Variants in MAML2 observed in about 807,000 individuals in gnomAD.
The protein encoded by MAML2 is mastermind like transcriptional coactivator 2, also known as mastermind-like protein 2.
MAML2 carries 22 observed loss-of-function variants against 96.1 expected under a neutral mutation model. The ratio of observed to expected loss-of-function variants is 0.23; its 90% CI spans 0.16 to 0.33. The LOEUF (loss-of-function observed/expected upper bound fraction) is 0.33, where lower values mean the gene tolerates loss of function less well. MAML2 is among the 10% of genes least tolerant of loss of function. The probability of loss-of-function intolerance (pLI) is 1.00; values close to 1 mark genes in which losing one functional copy is unlikely to be tolerated. For missense variants in MAML2, 1,367 were observed against 1,392.4 expected, an observed-to-expected ratio of 0.98 and a Z score of 0.29; for synonymous variants, 561 against 521.3, an observed-to-expected ratio of 1.08 and a Z score of -1.04.
chr11:95,988,953 T>A (rs747088228), intron 3 of MAML2, among the ~76,000 whole-genome samples: 1 of 152,204 alleles, frequency 6.6e-6, no homozygotes, highest in Non-Finnish European at 1.5e-5. Context: ...AGTTTCTCCA[T>A]CTGTAAAAAT....
intron 1 of MAML2, among the ~76,000 whole-genome samples, chr11:96,167,151 C>T (rs1048941267): frequency 2.0e-5 from 3 of 152,194 alleles, no homozygotes; most frequent in Non-Finnish European, 4.4e-5. Flanking sequence ...TCTTGGAGTC[C>T]TTATTTCAGT....
At chr11:96,105,860 A>G (rs1199512670) in intron 1 of MAML2, among the ~76,000 whole-genome samples, 1 of 133,306 alleles carries the variant, frequency 7.5e-6, no homozygotes, top group East Asian at 2.0e-4. Flanking sequence ...TTACTAAGAT[A>G]TTTGGTTATA....
chr11:96,148,966 T>C (rs1387891069), intron 1 of MAML2, among the ~76,000 whole-genome samples: 2 of 152,210 alleles, frequency 1.3e-5, no homozygotes, highest in African/African-American at 2.4e-5. Context: ...TGACCTCACA[T>C]ATAGCCCTAT....
At chr11:96,302,061 A>G (rs1360636451) in intron 1 of MAML2, among the ~76,000 whole-genome samples, 4 of 152,206 alleles carry the variant, frequency 2.6e-5, no homozygotes, top group Admixed American at 6.5e-5. Context: ...AATCCTTACA[A>G]AAGCCCTATC....
chr11:96,182,945 ATCCTT>A (rs1468511559), intron 1 of MAML2, among the ~76,000 whole-genome samples: 3 of 143,072 alleles, frequency 2.1e-5, no homozygotes, highest in Admixed American at 7.5e-5. Flanking sequence ...CTTCTTGGAC[ATCCTT>A]TCTTTTCTTT....
At chr11:96,181,009 T>C (rs1200666362) in intron 1 of MAML2, among the ~76,000 whole-genome samples, 1 of 151,964 alleles carries the variant, frequency 6.6e-6, no homozygotes, top group East Asian at 1.9e-4. Context: ...TGAGCCAGGA[T>C]GAGCCAGGAA....
At chr11:96,166,108 GTC>G (rs769561166) in intron 1 of MAML2, among the ~76,000 whole-genome samples, 76 of 144,438 alleles carry the variant, frequency 5.3e-4, no homozygotes, top group Non-Finnish European at 1.0e-3. Context: ...CTCTCTGCCT[GTC>G]TCTTCCTCTC....
chr11:96,007,850 G>C (rs545740334), intron 2 of MAML2, among the ~76,000 whole-genome samples: 2,266 of 133,300 alleles, frequency 0.017, 63 homozygotes, highest in African/African-American at 0.06. Flanking sequence ...CACAGGAAGG[G>C]GAATATCACA....
intron 1 of MAML2, among the ~76,000 whole-genome samples, chr11:96,145,228 G>A (rs560174615): frequency 6.6e-6 from 1 of 152,278 alleles, no homozygotes; most frequent in South Asian, 2.1e-4. Context: ...ACTAAGCCTT[G>A]CTTCCTGTTT....
rs1863958307 is a variant in MAML2 at position 96,339,266 on chromosome 11, C to T, written c.513+2117G>A. Among the ~76,000 whole-genome samples, 3 of 152,314 alleles carry T rather than the reference C, an allele frequency of 2.0e-5. No homozygotes were observed. The South Asian group carries it at 6.2e-4, about 32-fold the overall frequency. On this transcript the variant is annotated intron_variant, in intron 1 of 4. Transcript: ENST00000524717. ...GTAGCACAGCAGCCAGCTATGGCTT[C>T]TGCAGCAGTAAGCTTTCAGTCGGGA...
intron 2 of MAML2, among the ~76,000 whole-genome samples, chr11:96,067,279 C>A (rs896582739): frequency 6.6e-6 from 1 of 152,224 alleles, no homozygotes; most frequent in Non-Finnish European, 1.5e-5. Flanking sequence ...CAATGTTCAT[C>A]TGTCCAGTGT....
chr11:96,255,756 A>G (rs999316431), intron 1 of MAML2, among the ~76,000 whole-genome samples: 3 of 152,130 alleles, frequency 2.0e-5, no homozygotes, highest in African/African-American at 7.2e-5. Context: ...AGCAGAAGAC[A>G]GAAAGAACCT....
chr11:96,279,362 G>T (rs1863033652), intron 1 of MAML2, among the ~76,000 whole-genome samples: 1 of 152,222 alleles, frequency 6.6e-6, no homozygotes, highest in African/African-American at 2.4e-5. Context: ...TCTTCCCATT[G>T]CTGGAGTGGG....
At chr11:96,220,756 A>G (rs143362133) in intron 1 of MAML2, among the ~76,000 whole-genome samples, 1 of 152,346 alleles carries the variant, frequency 6.6e-6, no homozygotes, top group East Asian at 1.9e-4. Flanking sequence ...ATTTAAAAAA[A>G]TACAAGTTTC....
chr11:96,285,732 A>G (rs1863129954), intron 1 of MAML2, among the ~76,000 whole-genome samples: 1 of 152,228 alleles, frequency 6.6e-6, no homozygotes, highest in African/African-American at 2.4e-5. Flanking sequence ...AAAGCTCAAC[A>G]TCACTGATCA....
At chr11:96,259,786 T>C (rs1862722838) in intron 1 of MAML2, among the ~76,000 whole-genome samples, 1 of 152,178 alleles carries the variant, frequency 6.6e-6, no homozygotes, top group East Asian at 1.9e-4. Flanking sequence ...CTTGACTCCT[T>C]TCAGTAAAGG....
chr11:96,226,879 C>T (rs922533516), intron 1 of MAML2, among the ~76,000 whole-genome samples: 1 of 152,086 alleles, frequency 6.6e-6, no homozygotes, highest in Non-Finnish European at 1.5e-5. Context: ...TTAAATTTGT[C>T]AGATAAAATT....
chr11:95,985,766 C>G (rs956624169), intron 3 of MAML2, 124 bp from the exon 4 acceptor site: 1 of 600,074 alleles, frequency 1.7e-6, no homozygotes. Flanking sequence ...GGTTACAAAT[C>G]ATGACCTTAT....
chr11:96,286,418 A>G (rs523359), intron 1 of MAML2, among the ~76,000 whole-genome samples: 42,238 of 152,118 alleles, frequency 0.28, 6,017 homozygotes, highest in East Asian at 0.33. Context: ...GCAAACCACC[A>G]TGGCACATGT....
Sources: allele counts gnomAD v4.1 joint callset (sites outside exome capture counted in the v4.1 genomes callset), GRCh38; gene constraint gnomAD v4.1.1; transcripts MANE v1.5; gene names NCBI Gene and HGNC (gene_info 2026-07-23, HGNC 2026-07-21).